The following SNTG1 variants were observed in gnomAD, a reference collection of about 807,000 sequenced individuals.
SNTG1 encodes gamma-1-syntrophin.
Under a neutral mutation model 74.7 loss-of-function variants are expected in SNTG1, and 39 were observed. The observed-to-expected ratio is 0.52, with a 90% CI of 0.40 to 0.68. The LOEUF is 0.68. Ranked by LOEUF, SNTG1 falls within the 30% of genes least tolerant of loss-of-function variation. The probability of loss-of-function intolerance (pLI) is 0.00; values close to 1 mark genes in which losing one functional copy is unlikely to be tolerated. For missense variants in SNTG1, 685 were observed against 609.5 expected (o/e 1.12, Z -1.30); for synonymous variants, 254 against 217.1 (o/e 1.17, Z -1.49).
intron 1 of SNTG1, among the ~76,000 whole-genome samples, chr8:50,161,861 T>C (rs1053932221): frequency 2.0e-5 from 3 of 152,136 alleles, no homozygotes; most frequent in Non-Finnish European, 4.4e-5. Flanking sequence ...TAAGAGATAA[T>C]TGTCTTTAAA....
chr8:50,178,322 A>G (rs1586599760), intron 2 of SNTG1, among the ~76,000 whole-genome samples: 1 of 144,010 alleles, frequency 6.9e-6, no homozygotes, highest in Non-Finnish European at 1.5e-5. Context: ...CCCTCTTTCC[A>G]TTCCTCTTTT....
At chr8:50,689,187 A>C (rs1477747236) in intron 15 of SNTG1, among the ~76,000 whole-genome samples, 2 of 152,056 alleles carry the variant, frequency 1.3e-5, no homozygotes, top group Non-Finnish European at 2.9e-5. Flanking sequence ...ACAATCCTGT[A>C]GTCTGCAAAC....
intron 2 of SNTG1, among the ~76,000 whole-genome samples, chr8:50,257,535 G>T (rs539323564): frequency 6.6e-6 from 1 of 152,326 alleles, no homozygotes; most frequent in South Asian, 2.1e-4. Context: ...TGTAGATTTG[G>T]TTGGTGAGCA....
At chr8:50,424,235 C>T (rs995130323) in intron 4 of SNTG1, among the ~76,000 whole-genome samples, 44 of 152,118 alleles carry the variant, frequency 2.9e-4, no homozygotes, top group African/African-American at 1.0e-3. Flanking sequence ...CATCACTCCT[C>T]TCCCAGAATA....
At chr8:50,456,554 G>A (rs956423509) in intron 8 of SNTG1, among the ~76,000 whole-genome samples, 4 of 152,116 alleles carry the variant, frequency 2.6e-5, no homozygotes, top group Non-Finnish European at 4.4e-5. Context: ...GAAAAAATTT[G>A]AAGGGCCAAG....
chr8:50,558,190 G>A (rs1172192292), intron 12 of SNTG1, among the ~76,000 whole-genome samples: 1 of 152,198 alleles, frequency 6.6e-6, no homozygotes. Flanking sequence ...GATAGAGGGT[G>A]GATTTTCTCT....
chr8:50,536,655 T>C, intron 10 of SNTG1, 23 bp from the exon 11 acceptor site: 2 of 1,608,204 alleles, frequency 1.2e-6, no homozygotes, highest in Non-Finnish European at 1.7e-6. Context: ...AAAAATTACG[T>C]TGAATATTTA....
chr8:50,438,686 T>C, intron 5 of SNTG1, 87 bp downstream of exon 5: 3 of 1,117,588 alleles, frequency 2.7e-6, no homozygotes, highest in Non-Finnish European at 4.0e-6. Context: ...GATTAATAAT[T>C]AGACAAGGAT....
chr8:50,687,269 G>A (rs7821535), intron 15 of SNTG1, among the ~76,000 whole-genome samples: 3 of 150,280 alleles, frequency 2.0e-5, no homozygotes, highest in South Asian at 4.3e-4. Flanking sequence ...ACAAAAAATC[G>A]CAGAAAACAA....
chr8:50,197,553 T>A (rs1028260686), intron 2 of SNTG1, among the ~76,000 whole-genome samples: 9 of 152,192 alleles, frequency 5.9e-5, no homozygotes, highest in Admixed American at 2.6e-4. Context: ...TGAATATCCT[T>A]GCATACTTTC....
intron 2 of SNTG1, among the ~76,000 whole-genome samples, chr8:50,257,908 G>A (rs921448809): frequency 6.6e-6 from 1 of 152,204 alleles, no homozygotes; most frequent in Non-Finnish European, 1.5e-5. Context: ...GAAGCCGACA[G>A]CTAGGTGTGA....
intron 15 of SNTG1, among the ~76,000 whole-genome samples, chr8:50,681,130 A>C (rs2095329196): frequency 6.6e-6 from 1 of 152,192 alleles, no homozygotes; most frequent in Admixed American, 6.5e-5. Flanking sequence ...TATAGACATT[A>C]AAATTTTATC....
chr8:50,468,116 T>C (rs2093623978), intron 8 of SNTG1, among the ~76,000 whole-genome samples: 1 of 151,974 alleles, frequency 6.6e-6, no homozygotes, highest in African/African-American at 2.4e-5. Context: ...TTTTGCTACC[T>C]GTAAATGGTA....
chr8:50,232,907 T>A (rs919905361), intron 2 of SNTG1, among the ~76,000 whole-genome samples: 1 of 151,486 alleles, frequency 6.6e-6, no homozygotes, highest in Non-Finnish European at 1.5e-5. Context: ...ACTCAATGAT[T>A]CTGGTGAAAT....
At chr8:50,782,278 T>C (rs1489825528) in intron 18 of SNTG1, among the ~76,000 whole-genome samples, 4 of 152,244 alleles carry the variant, frequency 2.6e-5, no homozygotes, top group Non-Finnish European at 4.4e-5. Flanking sequence ...GAAGTTCTCC[T>C]GGATAATATC....
At chr8:49,946,813 A>G (rs1809231856) in intron 1 of SNTG1, among the ~76,000 whole-genome samples, 1 of 152,232 alleles carries the variant, frequency 6.6e-6, no homozygotes, top group Non-Finnish European at 1.5e-5. Flanking sequence ...TGAAATAATT[A>G]ATAGGACATG....
At chr8:50,103,754 A>G (rs1036546024) in intron 1 of SNTG1, among the ~76,000 whole-genome samples, 6 of 152,170 alleles carry the variant, frequency 3.9e-5, no homozygotes, top group African/African-American at 1.4e-4. Context: ...TAATTTATTG[A>G]GAGTTTTTAG....
chr8:50,495,752 T>A (rs1488261203), intron 8 of SNTG1, among the ~76,000 whole-genome samples: 1 of 152,114 alleles, frequency 6.6e-6, no homozygotes, highest in Non-Finnish European at 1.5e-5. Flanking sequence ...CTGTGAGCAA[T>A]CTGCAGTTGT....
At chr8:50,581,608 G>A (rs1490445349) in intron 12 of SNTG1, among the ~76,000 whole-genome samples, 2 of 152,010 alleles carry the variant, frequency 1.3e-5, no homozygotes, top group African/African-American at 2.4e-5. Context: ...AAAAAAATTA[G>A]AGATTAGTAT....
Sources: gnomAD v4.1 joint callset for allele counts (sites outside exome capture counted in the v4.1 genomes callset) on GRCh38, gnomAD v4.1.1 for gene constraint, MANE v1.5 for transcripts, NCBI Gene and HGNC (gene_info 2026-07-23, HGNC 2026-07-21) for gene names.